The following ATG7 variants were observed in gnomAD, a reference collection of about 807,000 sequenced individuals.
ATG7 encodes ubiquitin-like modifier-activating enzyme ATG7.
ATG7 carries 70 observed loss-of-function variants against 82.4 expected under a neutral mutation model. The observed-to-expected ratio is 0.85, with a 90% CI of 0.70 to 1.04. The LOEUF is 1.04. Among genes scored for constraint, ATG7 ranks in the 50% least tolerant of loss-of-function variants. The pLI is 0.00. For synonymous variants in ATG7, 287 were observed against 313.0 expected (o/e 0.92, Z 0.88); for missense variants, 792 against 864.3 (o/e 0.92, Z 1.05).
At chr3:11,314,436 C>T (rs554356940) in intron 8 of ATG7, among the ~76,000 whole-genome samples, 5 of 151,738 alleles carry the variant, frequency 3.3e-5, no homozygotes, top group African/African-American at 7.3e-5. Context: ...CGTACAAATC[C>T]GAGGTTGTGG....
intron 20 of ATG7, among the ~76,000 whole-genome samples, chr3:11,518,222 A>T: frequency 6.7e-6 from 1 of 149,244 alleles, no homozygotes; most frequent in Non-Finnish European, 1.5e-5. Context: ...CTGTGAGGAT[A>T]CTGAATGCCA....
intron 19 of ATG7, among the ~76,000 whole-genome samples, chr3:11,390,217 TCA>T (rs1364100900): frequency 1.1e-4 from 17 of 152,372 alleles, no homozygotes; most frequent in Non-Finnish European, 1.5e-5. Flanking sequence ...TTTCGTTATT[TCA>T]GTTTGACTTG....
intron 20 of ATG7, among the ~76,000 whole-genome samples, chr3:11,549,978 C>T (rs2071626311): frequency 6.6e-6 from 1 of 152,188 alleles, no homozygotes; most frequent in African/African-American, 2.4e-5. Context: ...CTGAGGACTG[C>T]AAACTGCACG....
intron 20 of ATG7, among the ~76,000 whole-genome samples, chr3:11,484,735 T>G (rs2089430724): frequency 6.6e-6 from 1 of 152,176 alleles, no homozygotes; most frequent in South Asian, 2.1e-4. Flanking sequence ...GATGTTCCCC[T>G]TCCTGTGTCC....
intron 18 of ATG7, among the ~76,000 whole-genome samples, chr3:11,365,986 G>A (rs1424739425): frequency 2.0e-5 from 3 of 152,032 alleles, no homozygotes; most frequent in South Asian, 2.1e-4. Flanking sequence ...TTGGGAGGCC[G>A]AGGCGGGTGG....
chr3:11,398,840 G>A (rs1292063456), intron 19 of ATG7, among the ~76,000 whole-genome samples: 1 of 152,180 alleles, frequency 6.6e-6, no homozygotes, highest in Non-Finnish European at 1.5e-5. Context: ...GACAGAGTGA[G>A]TTTGAGCCCT....
rs1346322090 is a variant in ATG7 at position 11,488,373 on chromosome 3, G to A, written c.2079+61447G>A. ...CCTCCCGGGCGGCACTCGCCGGCGC[G>A]GCGGCAAAGACTGAGACAGCTCCGC... On this transcript the variant is annotated intron_variant, in intron 20 of 20. Transcript: ENST00000693202. 1.1e-4 allele frequency: 117 copies of A among 1,024,864 alleles called. 1 individual carries two copies. Among genetic ancestry groups the A allele is most frequent in the Admixed American group, 8.8e-5 (2 of 22,784 alleles). The allele number at this position is 1,024,864 out of a possible 1,614,324, so 63.5% of individuals were successfully genotyped here.
chr3:11,411,672 A>T (rs1346413861), intron 19 of ATG7, among the ~76,000 whole-genome samples: 1 of 142,898 alleles, frequency 7.0e-6, no homozygotes, highest in Non-Finnish European at 1.5e-5. Flanking sequence ...TGATTTTCAG[A>T]TTATTTTGTC....
chr3:11,320,579 C>T lies in ATG7; in HGVS notation c.678+5086C>T, dbSNP rs935833495. 3.9e-5 allele frequency among the ~76,000 whole-genome samples: 6 copies of T among 152,352 alleles called. No homozygotes were observed. In the South Asian group the frequency reaches 1.0e-3, roughly 26 times the overall value. On this transcript the variant is annotated intron_variant, in intron 9 of 20. Coordinates refer to ENST00000693202, the MANE Select transcript of ATG7 (RefSeq NM_001349232.2). ...CTGGGATTACAGGCGTGAACCACCA[C>T]ACCTGGTCCATAATTTTACATTTTC...
At chr3:11,561,891 C>CA (rs751071014), downstream of ATG7, among the ~76,000 whole-genome samples, 2 of 88,608 alleles carry the variant, frequency 2.3e-5, no homozygotes, top group East Asian at 3.8e-4. Flanking sequence ...CTGCGCCAAA[C>CA]TTTTTTTTTT....
intron 3 of ATG7, among the ~76,000 whole-genome samples, chr3:11,296,688 A>G (rs1218162448): frequency 6.6e-6 from 1 of 152,172 alleles, no homozygotes; most frequent in Non-Finnish European, 1.5e-5. Flanking sequence ...GCACAGCACA[A>G]ACCCTCCACA....
At chr3:11,359,906 T>C (rs2076180143) in intron 15 of ATG7, among the ~76,000 whole-genome samples, 1 of 147,630 alleles carries the variant, frequency 6.8e-6, no homozygotes, top group African/African-American at 2.5e-5. Context: ...GGAAAGAATG[T>C]GTTTGAGAAC....
At chr3:11,290,777 C>T (rs1020644346) in intron 3 of ATG7, 7 of 164,652 alleles carry the variant, frequency 4.3e-5, no homozygotes, top group Admixed American at 6.5e-5. Context: ...CTCTGCCTCC[C>T]GGGTTCAAGC....
chr3:11,487,106 C>T (rs1263207766), intron 20 of ATG7, among the ~76,000 whole-genome samples: 3 of 149,222 alleles, frequency 2.0e-5, no homozygotes, highest in Non-Finnish European at 4.4e-5. Context: ...ATCCATTTAA[C>T]CCTGAGTGGG....
In ATG7 at chr3:11,476,238, A is replaced by G. The variant is rs144763411; in HGVS notation, c.2079+49312A>G. Reference sequence around the variant, plus strand: ...TCCTTCTTCCTTGAGAGGGCTTACTATGTTGCTGTTAGTTTTCTCCCAGCA... The same window carrying G: ...TCCTTCTTCCTTGAGAGGGCTTACTGTGTTGCTGTTAGTTTTCTCCCAGCA... On this transcript the variant is annotated intron_variant, in intron 20 of 20. Transcript: ENST00000693202. Among the ~76,000 whole-genome samples, 752 of 152,170 alleles carry G rather than the reference A, an allele frequency of 4.9e-3. 6 individuals carry two copies. The highest frequency in any genetic ancestry group is 0.017 in the African/African-American group (715 of 41,520).
chr3:11,284,689 C>T (rs1250424969), intron 3 of ATG7, among the ~76,000 whole-genome samples: 1 of 151,808 alleles, frequency 6.6e-6, no homozygotes, highest in Non-Finnish European at 1.5e-5. Context: ...GTAGTCGGGA[C>T]CACAGGCGTG....
intron 20 of ATG7, among the ~76,000 whole-genome samples, chr3:11,549,498 C>T (rs906924839): frequency 3.9e-5 from 6 of 152,156 alleles, no homozygotes; most frequent in Admixed American, 2.0e-4. Context: ...ACCCTTCGAC[C>T]CCATTCCCCA....
intron 20 of ATG7, among the ~76,000 whole-genome samples, chr3:11,433,512 T>C (rs1344174694): frequency 6.6e-6 from 1 of 152,134 alleles, no homozygotes; most frequent in Non-Finnish European, 1.5e-5. Flanking sequence ...AAATATTTTC[T>C]AACTGAATGT....
At chr3:11,512,135 G>A (rs1048947875) in intron 20 of ATG7, among the ~76,000 whole-genome samples, 6 of 152,162 alleles carry the variant, frequency 3.9e-5, no homozygotes, top group Admixed American at 6.5e-5. Flanking sequence ...GGGCTCTGAG[G>A]ACTGCCAGCA....
Sources: gnomAD v4.1 joint callset for allele counts (sites outside exome capture counted in the v4.1 genomes callset) on GRCh38, gnomAD v4.1.1 for gene constraint, MANE v1.5 for transcripts, NCBI Gene and HGNC (gene_info 2026-07-23, HGNC 2026-07-21) for gene names.